BBX: variants seen among roughly 807,000 people sequenced by gnomAD.
The protein encoded by BBX is HMG box transcription factor BBX.
In BBX, 30 loss-of-function variants were observed where a neutral mutation model predicts 100.2. The observed-to-expected ratio is 0.30, with a 90% confidence interval of 0.22 to 0.41. BBX has a LOEUF of 0.41. Ranked by LOEUF, BBX falls within the 10% of genes least tolerant of loss-of-function variation. The pLI is 1.00. For synonymous variants in BBX, 376 were observed against 388.1 expected, an observed-to-expected ratio of 0.97 and a Z score of 0.37; for missense variants, 1,023 against 1,129.8, an observed-to-expected ratio of 0.91 and a Z score of 1.35.
intron 2 of BBX, among the ~76,000 whole-genome samples, chr3:107,533,284 G>A (rs1039687963): frequency 6.6e-6 from 1 of 152,144 alleles, no homozygotes; most frequent in African/African-American, 2.4e-5. Flanking sequence ...TTCCTTGGTT[G>A]GTAGAGTGAA....
intron 3 of BBX, among the ~76,000 whole-genome samples, chr3:107,687,922 G>A (rs774250889): frequency 1.3e-5 from 2 of 152,034 alleles, no homozygotes; most frequent in Non-Finnish European, 2.9e-5. Flanking sequence ...GGGCATGGTG[G>A]CACACATCTG....
chr3:107,734,384 A>G (rs2063512248), intron 7 of BBX, among the ~76,000 whole-genome samples: 1 of 152,300 alleles, frequency 6.6e-6, no homozygotes, highest in South Asian at 2.1e-4. Flanking sequence ...GTGCCTTTGC[A>G]TATTCATTAT....
At chr3:107,669,035 C>T (rs2058892050) in intron 3 of BBX, among the ~76,000 whole-genome samples, 1 of 152,096 alleles carries the variant, frequency 6.6e-6, no homozygotes, top group Non-Finnish European at 1.5e-5. Context: ...ATGTTAACTT[C>T]AGAGATTTAA....
intron 2 of BBX, among the ~76,000 whole-genome samples, chr3:107,579,279 G>A (rs2052073348): frequency 6.6e-6 from 1 of 152,206 alleles, no homozygotes; most frequent in Admixed American, 6.5e-5. Flanking sequence ...TCATGCACTG[G>A]AATTTATCTT....
At chr3:107,698,714 G>T (rs184875806) in intron 3 of BBX, among the ~76,000 whole-genome samples, 2 of 151,472 alleles carry the variant, frequency 1.3e-5, no homozygotes, top group African/African-American at 2.4e-5. Context: ...AAAAATCAGT[G>T]TTCGGTGATT....
chr3:107,546,261 T>C (rs898939771), intron 2 of BBX, among the ~76,000 whole-genome samples: 2 of 152,230 alleles, frequency 1.3e-5, no homozygotes, highest in Non-Finnish European at 2.9e-5. Context: ...GCCAAGATGT[T>C]ACGTCTTCTC....
At chr3:107,765,502 G>A (rs1050391429) in intron 10 of BBX, among the ~76,000 whole-genome samples, 6 of 151,908 alleles carry the variant, frequency 3.9e-5, no homozygotes, top group East Asian at 1.9e-4. Context: ...TCTTGAGACA[G>A]GGTCTTTCTG....
chr3:107,590,493 T>C (rs2053226070), intron 2 of BBX, among the ~76,000 whole-genome samples: 1 of 152,206 alleles, frequency 6.6e-6, no homozygotes. Context: ...CTAAAATGTA[T>C]TTTTGTACCC....
At chr3:107,743,932 T>G (rs1180303952) in intron 7 of BBX, among the ~76,000 whole-genome samples, 3 of 148,720 alleles carry the variant, frequency 2.0e-5, no homozygotes, top group Admixed American at 6.7e-5. Flanking sequence ...TTTTTTTTTT[T>G]TTTTTTTTTT....
At chr3:107,615,231 A>C (rs552611156) in intron 2 of BBX, among the ~76,000 whole-genome samples, 2 of 152,246 alleles carry the variant, frequency 1.3e-5, no homozygotes, top group African/African-American at 4.8e-5. Context: ...GTGTTTTATA[A>C]TTTACTAGTA....
intron 2 of BBX, among the ~76,000 whole-genome samples, chr3:107,627,346 A>G (rs1002271749): frequency 1.3e-5 from 2 of 152,222 alleles, no homozygotes; most frequent in Non-Finnish European, 2.9e-5. Flanking sequence ...ATGTATCTCT[A>G]TGAAGAAGAG....
chr3:107,659,893 G>C, intron 3 of BBX: 1 of 427,202 alleles, frequency 2.3e-6, no homozygotes, highest in South Asian at 2.4e-5. Context: ...CGTATAATAT[G>C]ACAGATTCCC....
intron 2 of BBX, among the ~76,000 whole-genome samples, chr3:107,577,069 C>T (rs2051842340): frequency 6.6e-6 from 1 of 152,090 alleles, no homozygotes; most frequent in Non-Finnish European, 1.5e-5. Flanking sequence ...CCGTCTTGGC[C>T]AGGATGGTCT....
chr3:107,692,647 A>G (rs919806904), intron 3 of BBX, among the ~76,000 whole-genome samples: 11 of 151,272 alleles, frequency 7.3e-5, no homozygotes, highest in East Asian at 3.9e-4. Flanking sequence ...GAATAGTGCC[A>G]CAATAAACAT....
intron 7 of BBX, among the ~76,000 whole-genome samples, chr3:107,739,634 A>G (rs1181636144): frequency 6.6e-6 from 1 of 152,164 alleles, no homozygotes; most frequent in East Asian, 1.9e-4. Flanking sequence ...GCAAAGGTAG[A>G]GTGGAAGGTG....
intron 7 of BBX, among the ~76,000 whole-genome samples, chr3:107,736,227 CATA>C (rs2063626782): frequency 1.3e-5 from 2 of 151,996 alleles, no homozygotes; most frequent in African/African-American, 4.8e-5. Context: ...TAAATAACCC[CATA>C]ATAATAAAGG....
Position 107,798,586 on chromosome 3 carries a change from T to C in BBX, c.2417T>C (p.Ile806Thr). 1 of 1,614,066 alleles carries C rather than the reference T, an allele frequency of 6.2e-7. No individual in the cohort carries two copies. Among genetic ancestry groups the C allele is most frequent in the Middle Eastern group, 1.6e-4 (1 of 6,062 alleles). The change falls in exon 16 of 18, where the codon ATT (isoleucine) becomes ACT (threonine). Residue 806 changes from isoleucine (I) to threonine (T), a missense_variant. Ile to Thr is a moderately conservative substitution (Grantham distance 89). This residue lies in a region of BBX where 215 missense variants were observed against 211.3 expected (regional missense o/e 1.02). Transcript: ENST00000325805. ...PVHKVKNIPS[I>T]FNTPEPTTTQ... ...CATAAGGTTAAAAATATCCCATCCA[T>C]TTTCAACACTCCAGAGCCAACAACA...
chr3:107,672,382 G>A (rs114892940), intron 3 of BBX, among the ~76,000 whole-genome samples: 4,167 of 152,028 alleles, frequency 0.027, 78 homozygotes, highest in Non-Finnish European at 0.044. Flanking sequence ...GAGTTAAAGG[G>A]GATCTAGGAT....
At chr3:107,591,628 C>T (rs1576422506) in intron 2 of BBX, among the ~76,000 whole-genome samples, 2 of 152,210 alleles carry the variant, frequency 1.3e-5, no homozygotes, top group East Asian at 3.8e-4. Flanking sequence ...GCTGGGACCA[C>T]AGGCATGCGC....
Sources: gnomAD v4.1 joint callset for allele counts (sites outside exome capture counted in the v4.1 genomes callset) on GRCh38, gnomAD v4.1.1 for gene constraint, gnomAD v4.1.1 regional missense constraint, MANE v1.5 for transcripts, NCBI Gene and HGNC (gene_info 2026-07-23, HGNC 2026-07-21) for gene names.